ZNF536: variants seen among roughly 807,000 people sequenced by gnomAD.
The protein encoded by ZNF536 is zinc finger protein 536.
In ZNF536, 13 loss-of-function variants were observed where a neutral mutation model predicts 84.5. The observed-to-expected ratio is 0.15, with a 90% confidence interval of 0.10 to 0.24. The LOEUF is 0.24. Ranked by LOEUF, ZNF536 falls within the 10% of genes least tolerant of loss-of-function variation. The pLI, the probability that ZNF536 is intolerant of heterozygous loss-of-function variation, is 1.00. For missense variants in ZNF536, 1,536 were observed against 1,747.5 expected, an observed-to-expected ratio of 0.88 and a Z score of 2.16; for synonymous variants, 811 against 742.5, an observed-to-expected ratio of 1.09 and a Z score of -1.50.
chr19:30,384,104 CTT>C (rs1260625032), intron 1 of ZNF536, among the ~76,000 whole-genome samples: 6,379 of 56,664 alleles, frequency 0.11, 516 homozygotes, highest in Middle Eastern at 0.17. Context: ...CTTTCTCTTT[CTT>C]TCTTTCTTTC....
At chr19:30,610,791 A>C (rs1442865884) in intron 1 of ZNF536, among the ~76,000 whole-genome samples, 1 of 152,162 alleles carries the variant, frequency 6.6e-6, no homozygotes, top group Non-Finnish European at 1.5e-5. Context: ...ATGAGGACTC[A>C]GACATGCAAG....
chr19:30,247,659 C>G (rs2024357565), intron 1 of ZNF536, among the ~76,000 whole-genome samples: 1 of 152,072 alleles, frequency 6.6e-6, no homozygotes, highest in Non-Finnish European at 1.5e-5. Flanking sequence ...AAGAGCCCGT[C>G]TCTACAGAAA....
At chr19:30,572,140 G>T (rs1161890040) in intron 1 of ZNF536, among the ~76,000 whole-genome samples, 1 of 152,184 alleles carries the variant, frequency 6.6e-6, no homozygotes, top group East Asian at 1.9e-4. Context: ...CTTTGGATTT[G>T]TGTAGTTATC....
chr19:30,542,661 A>G (rs1219210127), intron 3 of ZNF536, among the ~76,000 whole-genome samples: 1 of 152,196 alleles, frequency 6.6e-6, no homozygotes, highest in Non-Finnish European at 1.5e-5. Flanking sequence ...TAGTGGGCAA[A>G]GAGCCCCATT....
chr19:30,602,774 A>G (rs1281967269), intron 1 of ZNF536, among the ~76,000 whole-genome samples: 2 of 152,158 alleles, frequency 1.3e-5, no homozygotes, highest in African/African-American at 4.8e-5. Context: ...TTCTGTGCAA[A>G]GGCGGAGAGG....
intron 1 of ZNF536, among the ~76,000 whole-genome samples, chr19:30,268,798 GA>G (rs2025660857): frequency 6.6e-6 from 1 of 152,138 alleles, no homozygotes; most frequent in Non-Finnish European, 1.5e-5. Context: ...TTTCCTTCTT[GA>G]GCATGTTCTG....
At chr19:30,244,319 T>C (rs1401161970) in intron 1 of ZNF536, among the ~76,000 whole-genome samples, 1 of 152,082 alleles carries the variant, frequency 6.6e-6, no homozygotes, top group Non-Finnish European at 1.5e-5. Context: ...CCTCAGGTGC[T>C]GTGCTGTTAC....
intron 1 of ZNF536, among the ~76,000 whole-genome samples, chr19:30,378,516 G>A (rs941510279): frequency 2.0e-5 from 3 of 152,070 alleles, no homozygotes; most frequent in African/African-American, 7.2e-5. Context: ...GGTTGGTCTC[G>A]AACTCCTGCC....
chr19:30,608,532 C>T (rs1247914104), intron 1 of ZNF536, among the ~76,000 whole-genome samples: 1 of 152,124 alleles, frequency 6.6e-6, no homozygotes, highest in Non-Finnish European at 1.5e-5. Flanking sequence ...TATGAGGTGC[C>T]AGCTCTTTAC....
At chr19:30,259,231 T>G (rs2025068616) in intron 1 of ZNF536, among the ~76,000 whole-genome samples, 1 of 152,196 alleles carries the variant, frequency 6.6e-6, no homozygotes, top group Non-Finnish European at 1.5e-5. Flanking sequence ...TATATTCTGA[T>G]GCTTTCATAT....
chr19:30,332,861 A>C (rs184412752), intron 2 of ZNF536, among the ~76,000 whole-genome samples: 1 of 152,314 alleles, frequency 6.6e-6, no homozygotes, highest in Admixed American at 6.5e-5. Flanking sequence ...TGGGAGGATT[A>C]CTTGAGCCCA....
intron 2 of ZNF536, among the ~76,000 whole-genome samples, chr19:30,513,563 G>A (rs780198938): frequency 2.6e-5 from 4 of 152,168 alleles, no homozygotes; most frequent in Non-Finnish European, 5.9e-5. Context: ...TAAATGTCTT[G>A]TAACACAAGA....
rs564790042 is a variant in ZNF536, at chr19:30,516,274, C to T, written c.2171-18573C>T. ...GGAAGGACCCAGGTGCCTCCTTTGC[C>T]GTCCTCCGTCCTCCTGGGCAGCTTC... On this transcript the variant is annotated intron_variant, in intron 2 of 4. Transcript: ENST00000355537. Among the ~76,000 whole-genome samples the T allele has an allele frequency of 4.6e-5, 7 of 152,238 alleles. No individual in the cohort carries two copies. The South Asian group carries it at 8.3e-4, about 18-fold the overall frequency.
At chr19:30,618,541 G>T (rs1410066521) in intron 1 of ZNF536, among the ~76,000 whole-genome samples, 1 of 151,984 alleles carries the variant, frequency 6.6e-6, no homozygotes, top group Non-Finnish European at 1.5e-5. Context: ...AATGTATTTG[G>T]TTCTAGTTCT....
At chr19:30,679,697 C>A (rs930401398) in intron 1 of ZNF536, among the ~76,000 whole-genome samples, 2 of 152,220 alleles carry the variant, frequency 1.3e-5, no homozygotes, top group African/African-American at 4.8e-5. Context: ...TCCCGGCAGT[C>A]TGCAGACTTG....
chr19:30,565,973 A>T (rs1315595649), intron 1 of ZNF536, among the ~76,000 whole-genome samples: 1 of 152,252 alleles, frequency 6.6e-6, no homozygotes. Context: ...TCCAAGACAC[A>T]GCATTTATAA....
At chr19:30,606,037 C>T (rs1043302249) in intron 1 of ZNF536, among the ~76,000 whole-genome samples, 3 of 151,738 alleles carry the variant, frequency 2.0e-5, no homozygotes, top group Non-Finnish European at 2.9e-5. Flanking sequence ...AGGTCACCAG[C>T]AAATTGAAAG....
chr19:30,625,037 C>T (rs1039358732), intron 1 of ZNF536, among the ~76,000 whole-genome samples: 4 of 152,164 alleles, frequency 2.6e-5, no homozygotes, highest in Non-Finnish European at 4.4e-5. Flanking sequence ...ATTAAACCTC[C>T]TTTGTTTATA....
chr19:30,308,369 A>G (rs1362327827), intron 2 of ZNF536, among the ~76,000 whole-genome samples: 2 of 151,882 alleles, frequency 1.3e-5, no homozygotes, highest in Non-Finnish European at 2.9e-5. Flanking sequence ...TTTCATGTGA[A>G]CCATGATTTT....
Sources: allele counts gnomAD v4.1 joint callset (sites outside exome capture counted in the v4.1 genomes callset), GRCh38; gene constraint gnomAD v4.1.1; transcripts MANE v1.5; gene names NCBI Gene and HGNC (gene_info 2026-07-23, HGNC 2026-07-21).